DOCK1: variants seen among roughly 807,000 people sequenced by gnomAD.
DOCK1 encodes dedicator of cytokinesis protein 1.
DOCK1 carries 138 observed loss-of-function variants against 262.7 expected under a neutral mutation model. The ratio of observed to expected loss-of-function variants is 0.53; its 90% CI spans 0.46 to 0.61. The LOEUF (loss-of-function observed/expected upper bound fraction) is 0.61, where lower values mean the gene tolerates loss of function less well. Among genes scored for constraint, DOCK1 ranks in the 20% least tolerant of loss-of-function variants. DOCK1 has a pLI of 0.00. For missense variants in DOCK1, 1,908 were observed against 2,370.7 expected (o/e 0.80, Z 4.05); for synonymous variants, 866 against 867.4 (o/e 1.00, Z 0.03).
At chr10:127,137,897 G>T in intron 27 of DOCK1, 1 of 1,614,094 alleles carries the variant, frequency 6.2e-7, no homozygotes, top group South Asian at 1.1e-5. Flanking sequence ...ATTTTTGCTT[G>T]GGAGTTGAGG....
At chr10:127,216,320 A>G (rs1175469896) in intron 27 of DOCK1, among the ~76,000 whole-genome samples, 8 of 152,018 alleles carry the variant, frequency 5.3e-5, no homozygotes, top group Non-Finnish European at 1.0e-4. Context: ...AAAAAAAAAA[A>G]AAAAAGAAAA....
intron 38 of DOCK1, among the ~76,000 whole-genome samples, chr10:127,392,250 TG>T (rs34948902): frequency 0.46 from 70,184 of 151,048 alleles, 16,639 homozygotes; most frequent in African/African-American, 0.51. Flanking sequence ...TCAGCTGGTC[TG>T]GGGTGGGCCT....
chr10:127,345,786 C>T (rs1343900609), intron 31 of DOCK1, among the ~76,000 whole-genome samples: 2 of 152,144 alleles, frequency 1.3e-5, no homozygotes, highest in Non-Finnish European at 2.9e-5. Flanking sequence ...GAGACTGGCT[C>T]AGCAGGGGCG....
At position 127,343,690 on chromosome 10, in the gene DOCK1, A is replaced by G; in HGVS notation, c.3168A>G (p.Gln1056=). The change falls in exon 31 of 52, where the codon CAA becomes CAG. Residue 1056 remains glutamine (Q), a synonymous_variant. Coordinates refer to ENST00000623213, the MANE Select transcript of DOCK1 (RefSeq NM_001290223.2). Reference sequence around the variant, plus strand: ...ACCTGGCTGTTGCTTTCCTTACTCAAGAGTCCCTGCAACTGGAGAATTTTT... The same window carrying G: ...ACCTGGCTGTTGCTTTCCTTACTCAGGAGTCCCTGCAACTGGAGAATTTTT... ...YFHLAVAFLT[Q]ESLQLENFSS... The G allele has an allele frequency of 6.2e-7, 1 of 1,611,768 alleles. No individual in the cohort carries two copies. The highest frequency in any genetic ancestry group is 8.5e-7 in the Non-Finnish European group (1 of 1,179,094).
chr10:127,095,618 G>A (rs1452748391), intron 23 of DOCK1, among the ~76,000 whole-genome samples: 1 of 152,086 alleles, frequency 6.6e-6, no homozygotes, highest in Non-Finnish European at 1.5e-5. Flanking sequence ...GGAATTTTGT[G>A]TGCCAGGCAC....
At chr10:127,381,204 A>C in intron 36 of DOCK1, 74 bp from the exon 37 acceptor site, 1 of 1,308,610 alleles carries the variant, frequency 7.6e-7, no homozygotes, top group Non-Finnish European at 1.1e-6. Flanking sequence ...TGAACATAGA[A>C]TTTAGCTCTT....
chr10:127,052,892 C>G (rs2044838267), intron 22 of DOCK1, 77 bp downstream of exon 22: 1 of 1,536,106 alleles, frequency 6.5e-7, no homozygotes, highest in East Asian at 2.4e-5. Flanking sequence ...TTCCCCTTCT[C>G]TCGTCCCCTT....
At chr10:127,385,194 G>T (rs114479275) in intron 38 of DOCK1, among the ~76,000 whole-genome samples, 3 of 152,092 alleles carry the variant, frequency 2.0e-5, no homozygotes, top group Non-Finnish European at 2.9e-5. Flanking sequence ...AGGTGTTTCC[G>T]TGCCCACAGA....
intron 29 of DOCK1, among the ~76,000 whole-genome samples, chr10:127,309,752 G>T (rs1174397226): frequency 6.6e-6 from 1 of 152,134 alleles, no homozygotes; most frequent in African/African-American, 2.4e-5. Flanking sequence ...TTTAAGGCTG[G>T]TTGAGACCAG....
intron 21 of DOCK1, among the ~76,000 whole-genome samples, chr10:127,044,485 A>G (rs1430654266): frequency 6.6e-6 from 1 of 152,196 alleles, no homozygotes; most frequent in Non-Finnish European, 1.5e-5. Flanking sequence ...CATGTCGAGT[A>G]GTTCCTTACA....
At chr10:127,248,866 C>T (rs1159798181) in intron 28 of DOCK1, among the ~76,000 whole-genome samples, 1 of 152,142 alleles carries the variant, frequency 6.6e-6, no homozygotes, top group Admixed American at 6.6e-5. Flanking sequence ...GCTCTGCCTC[C>T]TGTCATATCA....
At chr10:127,216,913 T>C (rs2134395157) in intron 27 of DOCK1, among the ~76,000 whole-genome samples, 1 of 152,294 alleles carries the variant, frequency 6.6e-6, no homozygotes, top group Non-Finnish European at 1.5e-5. Context: ...TCGTGGGCAG[T>C]GCATGGGGCC....
At chr10:127,331,406 C>T (rs920692633) in intron 29 of DOCK1, among the ~76,000 whole-genome samples, 4 of 152,138 alleles carry the variant, frequency 2.6e-5, no homozygotes, top group Admixed American at 6.6e-5. Context: ...TTCAGCCTCC[C>T]GAGTAGTTGG....
chr10:127,368,138 A>G (rs926567207), intron 33 of DOCK1, among the ~76,000 whole-genome samples: 1 of 152,140 alleles, frequency 6.6e-6, no homozygotes, highest in Non-Finnish European at 1.5e-5. Flanking sequence ...TTCCATTAGC[A>G]TCAGAGACCT....
chr10:127,411,016 A>G (rs1415275341), intron 43 of DOCK1, 92 bp downstream of exon 43: 1 of 1,200,380 alleles, frequency 8.3e-7, no homozygotes, highest in Non-Finnish European at 1.2e-6. Context: ...CCTCAGAGGC[A>G]GCCACGGAGC....
At chr10:127,164,212 C>A (rs2053872661) in intron 27 of DOCK1, among the ~76,000 whole-genome samples, 1 of 110,628 alleles carries the variant, frequency 9.0e-6, no homozygotes, top group Non-Finnish European at 1.7e-5. Flanking sequence ...GAGACAGAGT[C>A]CTGCTCTGTC....
At chr10:127,106,896 T>C (rs56024465) in intron 24 of DOCK1, among the ~76,000 whole-genome samples, 8,520 of 152,246 alleles carry the variant, frequency 0.056, 614 homozygotes, top group African/African-American at 0.17. Context: ...GTTTGTTTCC[T>C]AATCTGTTGG....
chr10:126,951,302 GTGGTAGTATTGT>G (rs1238336431), intron 1 of DOCK1, among the ~76,000 whole-genome samples: 17 of 151,566 alleles, frequency 1.1e-4, no homozygotes, highest in Admixed American at 9.9e-4. Context: ...AGTGTTAGTA[GTGGTAGTATTGT>G]TGGTAGTATT....
At chr10:127,219,129 G>A (rs955286855) in intron 27 of DOCK1, among the ~76,000 whole-genome samples, 7 of 152,202 alleles carry the variant, frequency 4.6e-5, no homozygotes, top group Non-Finnish European at 1.0e-4. Context: ...CCCAAATTAA[G>A]TAGTGGGGAC....
Sources: allele counts gnomAD v4.1 joint callset (sites outside exome capture counted in the v4.1 genomes callset), GRCh38; gene constraint gnomAD v4.1.1; transcripts MANE v1.5; gene names NCBI Gene and HGNC (gene_info 2026-07-23, HGNC 2026-07-21).